Variants in DNM3 observed in about 807,000 individuals in gnomAD.
DNM3 encodes dynamin 3.
In DNM3, 47 loss-of-function variants were observed where a neutral mutation model predicts 101.6. The observed-to-expected ratio is 0.46, with a 90% CI of 0.37 to 0.59. The LOEUF is 0.59. DNM3 is among the 20% of genes least tolerant of loss of function. The probability of loss-of-function intolerance (pLI) is 0.00; values close to 1 mark genes in which losing one functional copy is unlikely to be tolerated. For synonymous variants in DNM3, 385 were observed against 387.9 expected, an observed-to-expected ratio of 0.99 and a Z score of 0.09; for missense variants, 849 against 1,085.7, an observed-to-expected ratio of 0.78 and a Z score of 3.06.
chr1:172,273,698 A>G (rs1035408643), intron 15 of DNM3, among the ~76,000 whole-genome samples: 3 of 152,096 alleles, frequency 2.0e-5, no homozygotes, highest in Admixed American at 6.6e-5. Flanking sequence ...AGGTAATAAC[A>G]TCATCACATC....
intron 15 of DNM3, among the ~76,000 whole-genome samples, chr1:172,287,196 A>G (rs1004632264): frequency 6.6e-6 from 1 of 152,184 alleles, no homozygotes; most frequent in Non-Finnish European, 1.5e-5. Context: ...TTTTGTTTAG[A>G]TATTTTCTTT....
rs369238528 is a variant in DNM3, at chr1:172,239,798, C to CTTTTTTTTTT, written c.1660-13774_1660-13773insTTTTTTTTTT. ...TTTCTCCAGCCCTGTCTTTTTTTTTCTCTTTTTTTTTTTTTTTTTTTTGTA... is the reference window on the plus strand; with the variant it reads ...TTTCTCCAGCCCTGTCTTTTTTTTTCTTTTTTTTTTTCTTTTTTTTTTTTTTTTTTTTGTA... On this transcript the variant is annotated intron_variant, in intron 14 of 20. Transcript: ENST00000627582. Among the ~76,000 whole-genome samples the CTTTTTTTTTT allele has an allele frequency of 1.7e-3, 180 of 106,852 alleles. 16 individuals are homozygous for CTTTTTTTTTT. Among genetic ancestry groups the CTTTTTTTTTT allele is most frequent in the African/African-American group, 2.6e-3 (73 of 28,168 alleles). The allele number at this position is 106,852 out of a possible 152,430, so 70.1% of individuals were successfully genotyped here.
At chr1:171,924,254 A>G (rs1158853475) in intron 2 of DNM3, among the ~76,000 whole-genome samples, 1 of 152,148 alleles carries the variant, frequency 6.6e-6, no homozygotes, top group African/African-American at 2.4e-5. Context: ...AGAATTCTCT[A>G]TACTGTTTTC....
chr1:172,049,698 A>G (rs906503990), intron 10 of DNM3, among the ~76,000 whole-genome samples: 1 of 152,156 alleles, frequency 6.6e-6, no homozygotes, highest in African/African-American at 2.4e-5. Context: ...CAACCTATGG[A>G]TAATTCTGTT....
intron 15 of DNM3, among the ~76,000 whole-genome samples, chr1:172,285,378 C>T (rs892009397): frequency 1.3e-5 from 2 of 152,122 alleles, no homozygotes; most frequent in Non-Finnish European, 2.9e-5. Flanking sequence ...GCAAAACTCA[C>T]CCCATCCCAA....
intron 14 of DNM3, chr1:172,133,191 G>GA (rs1163058023): frequency 3.9e-6 from 5 of 1,268,320 alleles, no homozygotes; most frequent in Non-Finnish European, 5.0e-6. Context: ...TGTGAGTCCT[G>GA]AAAATAAGCC....
chr1:172,031,454 G>A (rs970129946), intron 4 of DNM3, among the ~76,000 whole-genome samples: 1 of 152,036 alleles, frequency 6.6e-6, no homozygotes, highest in Non-Finnish European at 1.5e-5. Context: ...AATGCATTGG[G>A]AGGCTTAAAA....
chr1:171,919,228 A>G (rs903236236), intron 1 of DNM3, among the ~76,000 whole-genome samples: 3 of 152,104 alleles, frequency 2.0e-5, no homozygotes, highest in African/African-American at 7.2e-5. Context: ...ACATAGGTAT[A>G]CACATGCCAT....
chr1:172,111,035 C>G (rs781209332), intron 13 of DNM3, among the ~76,000 whole-genome samples: 1 of 151,898 alleles, frequency 6.6e-6, no homozygotes, highest in Non-Finnish European at 1.5e-5. Context: ...GACCTTGTCT[C>G]AAAAAAATAA....
chr1:172,152,695 A>G (rs867042778), intron 14 of DNM3, among the ~76,000 whole-genome samples: 2 of 152,062 alleles, frequency 1.3e-5, no homozygotes. Context: ...AGGATTTCTG[A>G]GTATATCAAA....
intron 12 of DNM3, among the ~76,000 whole-genome samples, chr1:172,088,092 A>C (rs1558549224): frequency 6.6e-6 from 1 of 152,340 alleles, no homozygotes; most frequent in Non-Finnish European, 1.5e-5. Context: ...CGTATTTCTT[A>C]AGATACTACC....
intron 1 of DNM3, among the ~76,000 whole-genome samples, chr1:171,850,124 G>A (rs1051222497): frequency 2.0e-5 from 3 of 152,182 alleles, no homozygotes; most frequent in Admixed American, 1.3e-4. Flanking sequence ...GCAAGAGTAT[G>A]GTCTGAGCCC....
chr1:172,207,191 T>C (rs2060353712), intron 14 of DNM3, among the ~76,000 whole-genome samples: 1 of 152,120 alleles, frequency 6.6e-6, no homozygotes, highest in Non-Finnish European at 1.5e-5. Context: ...ATGTCCTTAG[T>C]GCTACTTCCA....
At chr1:172,049,189 G>A (rs768592906) in intron 10 of DNM3, among the ~76,000 whole-genome samples, 1 of 152,166 alleles carries the variant, frequency 6.6e-6, no homozygotes, top group Non-Finnish European at 1.5e-5. Flanking sequence ...GCAGTGTAGT[G>A]TAGTGGATAA....
At chr1:172,242,014 T>G (rs1034859034) in intron 14 of DNM3, among the ~76,000 whole-genome samples, 3 of 152,170 alleles carry the variant, frequency 2.0e-5, no homozygotes, top group Non-Finnish European at 4.4e-5. Flanking sequence ...CTATTAAGAT[T>G]CTGTGCCATT....
chr1:171,901,245 A>G (rs1300240093), intron 1 of DNM3, among the ~76,000 whole-genome samples: 1 of 152,174 alleles, frequency 6.6e-6, no homozygotes, highest in Non-Finnish European at 1.5e-5. Context: ...TGACAGAAAA[A>G]AAAATCATCT....
intron 14 of DNM3, among the ~76,000 whole-genome samples, chr1:172,152,937 A>G (rs535054523): frequency 8.5e-5 from 13 of 152,218 alleles, no homozygotes; most frequent in Non-Finnish European, 1.8e-4. Context: ...TTCACAGTGA[A>G]AACACTAAAG....
At chr1:172,388,970 T>C (rs1490666014) in intron 20 of DNM3, 161 bp downstream of exon 20, 1 of 649,230 alleles carries the variant, frequency 1.5e-6, no homozygotes, top group East Asian at 2.7e-5. Flanking sequence ...CCAACCCTGT[T>C]ATGCCATTTA....
intron 15 of DNM3, among the ~76,000 whole-genome samples, chr1:172,258,851 A>T (rs1385724223): frequency 2.0e-5 from 3 of 151,778 alleles, no homozygotes; most frequent in Non-Finnish European, 4.4e-5. Context: ...TTGTTTATTT[A>T]AAATCTTTCT....
Sources: gnomAD v4.1 joint callset for allele counts (sites outside exome capture counted in the v4.1 genomes callset) on GRCh38, gnomAD v4.1.1 for gene constraint, MANE v1.5 for transcripts, NCBI Gene and HGNC (gene_info 2026-07-23, HGNC 2026-07-21) for gene names.